Variants in NRG3 observed in about 807,000 individuals in gnomAD.
NRG3 encodes neuregulin 3.
In NRG3, 31 loss-of-function variants were observed where a neutral mutation model predicts 66.9. That is an observed-to-expected ratio of 0.46 (90% CI 0.35 to 0.63). The LOEUF (loss-of-function observed/expected upper bound fraction) is 0.63, where lower values mean the gene tolerates loss of function less well. NRG3 is among the 20% of genes least tolerant of loss of function. The pLI, the probability that NRG3 is intolerant of heterozygous loss-of-function variation, is 0.00. For missense variants in NRG3, 910 were observed against 878.9 expected, an observed-to-expected ratio of 1.04 and a Z score of -0.45; for synonymous variants, 393 against 359.4, an observed-to-expected ratio of 1.09 and a Z score of -1.06.
intron 3 of NRG3, among the ~76,000 whole-genome samples, chr10:82,784,340 A>G (rs1259686373): frequency 1.3e-5 from 2 of 150,912 alleles, no homozygotes; most frequent in Non-Finnish European, 3.0e-5. Context: ...ATGGCAACAA[A>G]AGCCAAAATT....
chr10:82,587,491 A>T (rs1204058725), intron 2 of NRG3, among the ~76,000 whole-genome samples: 4 of 152,194 alleles, frequency 2.6e-5, no homozygotes, highest in Non-Finnish European at 5.9e-5. Flanking sequence ...TGGAAAAAAA[A>T]TTAAAATTAC....
chr10:82,102,674 A>G (rs2066833265), intron 1 of NRG3, among the ~76,000 whole-genome samples: 1 of 151,920 alleles, frequency 6.6e-6, no homozygotes, highest in South Asian at 2.1e-4. Context: ...TGTTTATATG[A>G]TGTTACTCTA....
intron 1 of NRG3, among the ~76,000 whole-genome samples, chr10:82,103,861 A>G (rs1564566304): frequency 6.6e-6 from 1 of 152,124 alleles, no homozygotes; most frequent in Non-Finnish European, 1.5e-5. Flanking sequence ...GTGAGAAAAA[A>G]GAAGAGGGAA....
intron 1 of NRG3, among the ~76,000 whole-genome samples, chr10:81,945,129 G>C (rs113127037): frequency 6.6e-6 from 1 of 152,024 alleles, no homozygotes; most frequent in Non-Finnish European, 1.5e-5. Context: ...TCTGGTCATT[G>C]TCTGAATATC....
chr10:82,213,874 G>T (rs991127219), intron 1 of NRG3, among the ~76,000 whole-genome samples: 2 of 152,164 alleles, frequency 1.3e-5, no homozygotes, highest in African/African-American at 4.8e-5. Flanking sequence ...CTGGAGGTAA[G>T]TAGCACCAGA....
intron 1 of NRG3, among the ~76,000 whole-genome samples, chr10:82,018,076 T>G (rs1292145281): frequency 6.6e-6 from 1 of 152,190 alleles, no homozygotes; most frequent in East Asian, 1.9e-4. Context: ...AGGTCTAATG[T>G]TGAAGTCTTT....
chr10:82,754,207 A>T (rs941079875), intron 3 of NRG3, among the ~76,000 whole-genome samples: 6 of 151,818 alleles, frequency 4.0e-5, no homozygotes, highest in Admixed American at 3.9e-4. Flanking sequence ...ACATAATGAA[A>T]TATTTCACAT....
chr10:82,758,680 G>A (rs774216242), intron 3 of NRG3, among the ~76,000 whole-genome samples: 1 of 151,934 alleles, frequency 6.6e-6, no homozygotes, highest in Non-Finnish European at 1.5e-5. Context: ...GTAGTCTGTA[G>A]CTCTCCATTT....
chr10:82,825,551 G>A (rs2062161624), intron 3 of NRG3, among the ~76,000 whole-genome samples: 1 of 152,176 alleles, frequency 6.6e-6, no homozygotes, highest in African/African-American at 2.4e-5. Flanking sequence ...CTGACGGCTG[G>A]CATCCTTCCA....
At chr10:82,516,154 G>T (rs925283516) in intron 2 of NRG3, among the ~76,000 whole-genome samples, 5 of 152,102 alleles carry the variant, frequency 3.3e-5, no homozygotes, top group Admixed American at 2.6e-4. Flanking sequence ...GTGTGTGTGT[G>T]TGTGTATGTG....
At chr10:82,178,999 GA>G (rs1157180151) in intron 1 of NRG3, among the ~76,000 whole-genome samples, 1 of 151,880 alleles carries the variant, frequency 6.6e-6, no homozygotes, top group Non-Finnish European at 1.5e-5. Context: ...CAATGATATT[GA>G]AAATCTTTTC....
chr10:82,093,495 T>C (rs1319398611), intron 1 of NRG3, among the ~76,000 whole-genome samples: 3 of 152,174 alleles, frequency 2.0e-5, no homozygotes, highest in African/African-American at 7.2e-5. Context: ...ATATATGTAA[T>C]TACTGGGGCA....
At chr10:82,114,716 C>T (rs1018875188) in intron 1 of NRG3, among the ~76,000 whole-genome samples, 7 of 152,108 alleles carry the variant, frequency 4.6e-5, no homozygotes, top group Non-Finnish European at 8.8e-5. Context: ...ACAGCTTTTG[C>T]CCCTGCTTAA....
At chr10:82,343,481 A>G (rs892231646) in intron 1 of NRG3, among the ~76,000 whole-genome samples, 5 of 152,182 alleles carry the variant, frequency 3.3e-5, no homozygotes, top group Admixed American at 6.6e-5. Context: ...AAAGCAATGT[A>G]CATATTCAAC....
chr10:82,756,967 A>G (rs78142428), intron 3 of NRG3, among the ~76,000 whole-genome samples: 1 of 152,096 alleles, frequency 6.6e-6, no homozygotes, highest in Admixed American at 6.6e-5. Flanking sequence ...TCTGGGCTCA[A>G]AAATCTTTTC....
chr10:82,795,499 G>A (rs2060763575), intron 3 of NRG3, among the ~76,000 whole-genome samples: 1 of 152,076 alleles, frequency 6.6e-6, no homozygotes, highest in Non-Finnish European at 1.5e-5. Context: ...AAATGTTAAT[G>A]TCTTCTTGAG....
At chr10:82,371,349 A>G (rs944143981) in intron 2 of NRG3, among the ~76,000 whole-genome samples, 1 of 152,216 alleles carries the variant, frequency 6.6e-6, no homozygotes, top group Non-Finnish European at 1.5e-5. Context: ...TTAGAAATAT[A>G]CATGCCATAT....
At chr10:82,870,993 C>T (rs1203013401) in intron 4 of NRG3, among the ~76,000 whole-genome samples, 1 of 152,086 alleles carries the variant, frequency 6.6e-6, no homozygotes, top group Non-Finnish European at 1.5e-5. Flanking sequence ...AAAGGGATTG[C>T]CAAATCTAGT....
chr10:82,087,614 A>C (rs2065801463), intron 1 of NRG3, among the ~76,000 whole-genome samples: 1 of 152,172 alleles, frequency 6.6e-6, no homozygotes, highest in Non-Finnish European at 1.5e-5. Context: ...TTATCATTGC[A>C]CTGCCCATTG....
Sources: gnomAD v4.1 joint callset for allele counts (sites outside exome capture counted in the v4.1 genomes callset) on GRCh38, gnomAD v4.1.1 for gene constraint, MANE v1.5 for transcripts, NCBI Gene and HGNC (gene_info 2026-07-23, HGNC 2026-07-21) for gene names.